Variants in KRABD4 observed in about 807,000 individuals in gnomAD.
The protein encoded by KRABD4 is KRAB domain containing 4.
chrX:46,453,201 A>G, the KRABD4 span, among the ~76,000 whole-genome samples: 7 of 111,863 alleles, frequency 6.3e-5, no homozygotes, highest in African/African-American at 2.3e-4. Context: ...TGTGGCTTCT[A>G]GAGTTCTTGT....
chrX:46,457,167 A>C, the KRABD4 span: 1 of 281,565 alleles, frequency 3.6e-6, no homozygotes, highest in Non-Finnish European at 6.5e-6. Context: ...GAGAATTCCA[A>C]AAGCTACCTC....
At chrX:46,450,092 C>T in the KRABD4 span, among the ~76,000 whole-genome samples, 2 of 112,032 alleles carry the variant, frequency 1.8e-5, no homozygotes, top group Non-Finnish European at 3.8e-5. Context: ...GTAGAAATGA[C>T]TACAGTTAAC....
the KRABD4 span, chrX:46,472,952 A>G: frequency 8.3e-7 from 1 of 1,210,218 alleles, no homozygotes; most frequent in Non-Finnish European, 1.1e-6. Context: ...GGGAAAAGGC[A>G]TTCAAAACAT....
the KRABD4 span, among the ~76,000 whole-genome samples, chrX:46,467,652 G>C: frequency 1.8e-5 from 2 of 111,725 alleles, no homozygotes; most frequent in Non-Finnish European, 3.8e-5. Flanking sequence ...TTTCTAGTAG[G>C]TATATAGGGG....
chrX:46,459,243 G>A, the KRABD4 span, among the ~76,000 whole-genome samples: 1 of 108,489 alleles, frequency 9.2e-6, no homozygotes, highest in African/African-American at 3.4e-5. Flanking sequence ...GAACCTGGGG[G>A]GCAGAGGTTG....
chrX:46,455,237 G>C, the KRABD4 span: 1 of 1,073,774 alleles, frequency 9.3e-7, no homozygotes, highest in Non-Finnish European at 1.3e-6. Context: ...AATTCTTAGA[G>C]CACCCTCTTG....
the KRABD4 span, among the ~76,000 whole-genome samples, chrX:46,467,953 T>C: frequency 8.9e-6 from 1 of 111,845 alleles, no homozygotes; most frequent in Non-Finnish European, 1.9e-5. Context: ...TAAATTTTTC[T>C]TTTATGGTTC....
At chrX:46,454,197 G>A in the KRABD4 span, 5 of 168,690 alleles carry the variant, frequency 3.0e-5, no homozygotes, top group Non-Finnish European at 6.3e-5. Flanking sequence ...CACTTCTACA[G>A]CAAAGCCATC....
At chrX:46,462,973 T>C in the KRABD4 span, 72 of 1,131,926 alleles carry the variant, frequency 6.4e-5, 1 homozygote, top group East Asian at 2.0e-3. Context: ...TGAGTGTGGG[T>C]TACCACCCTC....
the KRABD4 span, among the ~76,000 whole-genome samples, chrX:46,470,322 G>A: frequency 9.0e-6 from 1 of 111,186 alleles, no homozygotes; most frequent in African/African-American, 3.3e-5. Context: ...CCCTCATACT[G>A]CTTTGTATAG....
the KRABD4 span, among the ~76,000 whole-genome samples, chrX:46,458,052 A>G: frequency 3.6e-5 from 4 of 111,868 alleles, no homozygotes; most frequent in African/African-American, 1.3e-4. Flanking sequence ...CCGACGTTAG[A>G]AATTTCTAAG....
At chrX:46,452,034 C>T in the KRABD4 span, among the ~76,000 whole-genome samples, 2 of 112,102 alleles carry the variant, frequency 1.8e-5, no homozygotes, top group East Asian at 2.8e-4. Flanking sequence ...CAACCTCCGC[C>T]TCCCAGACTC....
At chrX:46,469,805 C>T in the KRABD4 span, among the ~76,000 whole-genome samples, 1 of 111,626 alleles carries the variant, frequency 9.0e-6, no homozygotes, top group East Asian at 2.8e-4. Flanking sequence ...TACTCTCTTA[C>T]CATTAGGCAT....
At chrX:46,470,280 A>G in the KRABD4 span, among the ~76,000 whole-genome samples, 1 of 111,459 alleles carries the variant, frequency 9.0e-6, no homozygotes, top group African/African-American at 3.3e-5. Context: ...TGAGAAAGTC[A>G]AGATACAGAA....
chrX:46,471,437 T>C, the KRABD4 span, among the ~76,000 whole-genome samples: 1 of 90,314 alleles, frequency 1.1e-5, no homozygotes, highest in South Asian at 7.5e-4. Flanking sequence ...AATAGTAACA[T>C]CTTGCATTAG....
chrX:46,468,437 A>G, the KRABD4 span, among the ~76,000 whole-genome samples: 1 of 110,181 alleles, frequency 9.1e-6, no homozygotes, highest in Admixed American at 9.8e-5. Context: ...CTGAGGCACA[A>G]GAATCGCTTG....
the KRABD4 span, among the ~76,000 whole-genome samples, chrX:46,465,839 G>A: frequency 2.7e-5 from 3 of 111,650 alleles, no homozygotes; most frequent in Admixed American, 9.5e-5. Flanking sequence ...ATAGGAGACG[G>A]CAATGAGCAT....
At chrX:46,459,479 TAC>T in the KRABD4 span, among the ~76,000 whole-genome samples, 11 of 111,635 alleles carry the variant, frequency 9.9e-5, 1 homozygote, top group Non-Finnish European at 1.7e-4. Flanking sequence ...GGTTATTTTG[TAC>T]ACATTTAAAT....
At chrX:46,460,955 A>G in the KRABD4 span, among the ~76,000 whole-genome samples, 1 of 97,615 alleles carries the variant, frequency 1.0e-5, no homozygotes, top group Non-Finnish European at 2.0e-5. Flanking sequence ...TCCATCCAGA[A>G]GCTACCTAGG....
Sources: allele counts gnomAD v4.1 joint callset (sites outside exome capture counted in the v4.1 genomes callset), GRCh38; gene constraint gnomAD v4.1.1; transcripts MANE v1.5; gene names NCBI Gene and HGNC (gene_info 2026-07-23, HGNC 2026-07-21).